The following GNAI2 variants were observed in gnomAD, a reference collection of about 807,000 sequenced individuals.
GNAI2 encodes the protein guanine nucleotide-binding protein G(i) subunit alpha-2.
In GNAI2, 4 loss-of-function variants were observed where a neutral mutation model predicts 36.8. The ratio of observed to expected loss-of-function variants is 0.11; its 90% CI spans 0.05 to 0.25. The LOEUF is 0.25. GNAI2 is among the 10% of genes least tolerant of loss of function. The pLI is 1.00. For synonymous variants in GNAI2, 194 were observed against 194.1 expected (o/e 1.00, Z 0.01); for missense variants, 230 against 481.3 (o/e 0.48, Z 4.89).
chr3:50,243,915 T>G (rs1700354822), intron 1 of GNAI2, among the ~76,000 whole-genome samples: 1 of 152,058 alleles, frequency 6.6e-6, no homozygotes, highest in African/African-American at 2.4e-5. Flanking sequence ...CGGGCCTCAA[T>G]TCTTCTTTTA....
At chr3:50,250,928 G>A (rs1360674044) in intron 1 of GNAI2, among the ~76,000 whole-genome samples, 1 of 151,836 alleles carries the variant, frequency 6.6e-6, no homozygotes, top group Non-Finnish European at 1.5e-5. Flanking sequence ...TTCTGCCTCA[G>A]CCTCCCGAGC....
At chr3:50,246,897 A>G in intron 1 of GNAI2, 1 of 1,438,602 alleles carries the variant, frequency 7.0e-7, no homozygotes, top group Non-Finnish European at 9.1e-7. Context: ...AGGAGCCAGT[A>G]GCTCTGACTC....
chr3:50,240,300 C>T (rs587634802), intron 1 of GNAI2, among the ~76,000 whole-genome samples: 9 of 152,224 alleles, frequency 5.9e-5, no homozygotes, highest in African/African-American at 2.2e-4. Context: ...AGGATGAATA[C>T]CATTTGCCAG....
At chr3:50,256,607 G>C (rs1431120921) in intron 5 of GNAI2, 116 bp from the exon 6 acceptor site, 2 of 1,143,750 alleles carry the variant, frequency 1.7e-6, no homozygotes, top group African/African-American at 3.1e-5. Flanking sequence ...GATGATTCCA[G>C]AAGGTAGCTG....
intron 1 of GNAI2, among the ~76,000 whole-genome samples, chr3:50,245,469 G>A (rs963299679): frequency 6.6e-6 from 1 of 152,186 alleles, no homozygotes; most frequent in African/African-American, 2.4e-5. Context: ...CTAGGCTCCC[G>A]TTATCTTTCC....
upstream of GNAI2, among the ~76,000 whole-genome samples, chr3:50,233,537 T>C (rs587772694): frequency 3.3e-5 from 5 of 152,312 alleles, no homozygotes; most frequent in East Asian, 7.7e-4. Flanking sequence ...GTGGACAGAT[T>C]GTATTCTTGG....
chr3:50,228,144 T>C (rs1700011283), upstream of GNAI2, among the ~76,000 whole-genome samples: 1 of 152,242 alleles, frequency 6.6e-6, no homozygotes. Flanking sequence ...CAGCCCTGTC[T>C]CCACAGGCTT....
At chr3:50,250,898 C>T (rs1700541628) in intron 1 of GNAI2, among the ~76,000 whole-genome samples, 1 of 152,050 alleles carries the variant, frequency 6.6e-6, no homozygotes, top group African/African-American at 2.4e-5. Flanking sequence ...CAACCTCCAC[C>T]TCCCAGGTTC....
rs1000061614 is a variant in GNAI2, at chr3:50,241,529, G to T, written c.118+5076G>T. Among the ~76,000 whole-genome samples the T allele has an allele frequency of 3.9e-5, 6 of 152,218 alleles. No homozygotes were observed. The East Asian group carries it at 7.7e-4, about 20-fold the overall frequency. ...TACCTCTAGGGTAGGAGTGAGACTA[G>T]GTCCTTTAAGGGATACCTCTGAGCT... On this transcript the variant is annotated intron_variant, in intron 1 of 8. Coordinates refer to ENST00000313601, the MANE Select transcript of GNAI2 (RefSeq NM_002070.4). The surrounding 1 kb of genome is among the most constrained non-coding windows in gnomAD (Gnocchi z 5.0).
Position 50,255,182 on chromosome 3 carries a change from C to T in GNAI2, c.465-1010C>T, listed in dbSNP as rs1700659815. On this transcript the variant is annotated intron_variant, in intron 4 of 8. Coordinates refer to ENST00000313601, the MANE Select transcript of GNAI2 (RefSeq NM_002070.4). The surrounding 1 kb of genome is among the most constrained non-coding windows in gnomAD (Gnocchi z 4.0). ...GCTGGTGGGAGCCAAGGGCCAGCCCCAGCAGCCTTGCCCCAGGAATGAAAA... is the reference window on the plus strand; with the variant it reads ...GCTGGTGGGAGCCAAGGGCCAGCCCTAGCAGCCTTGCCCCAGGAATGAAAA... Among the ~76,000 whole-genome samples, 1 of 152,204 alleles carries T rather than the reference C, an allele frequency of 6.6e-6. No individual in the cohort carries two copies. Among genetic ancestry groups the T allele is most frequent in the Non-Finnish European group, 1.5e-5 (1 of 68,030 alleles).
chr3:50,256,214 A>G lies in GNAI2; in HGVS notation c.487A>G (p.Ile163Val), dbSNP rs782616803. The G allele has an allele frequency of 6.6e-7, 1 of 1,509,564 alleles. No homozygotes were observed. Among genetic ancestry groups the G allele is most frequent in the South Asian group, 1.1e-5 (1 of 89,422 alleles). The allele number at this position is 1,509,564 out of a possible 1,614,324, so 93.5% of individuals were successfully genotyped here. A position where few individuals can be genotyped will look rare whatever the true frequency, so the allele number is the denominator to read the frequency against. ...CAGCTACCTGAACGACCTGGAGCGTATTGCACAGAGTGACTACATCCCCAC... is the reference window on the plus strand; with the variant it reads ...CAGCTACCTGAACGACCTGGAGCGTGTTGCACAGAGTGACTACATCCCCAC... ...AAYYLNDLERIAQSDYIPTQQ... is the reference protein window; with the variant it reads ...AAYYLNDLERVAQSDYIPTQQ... The change falls in exon 5 of 9, where the codon ATT becomes GTT. Residue 163 changes from isoleucine to valine, a missense_variant. Physicochemically the swap from Ile to Val is conservative, Grantham distance 29 (BLOSUM62 3). Around this residue, in one of 4 missense-constraint regions of GNAI2, gnomAD observed 132 missense variants for 247.4 expected, o/e 0.53. Coordinates refer to ENST00000313601, the MANE Select transcript of GNAI2 (RefSeq NM_002070.4).
chr3:50,247,187 A>G (rs1320048389), intron 1 of GNAI2: 3 of 666,890 alleles, frequency 4.5e-6, no homozygotes, highest in African/African-American at 1.8e-5. Flanking sequence ...ATCCTTACCC[A>G]TCTCTCAGAA....
rs587652983 is a variant in GNAI2, at chr3:50,258,445, G to A, written c.*102G>A. 3.5e-4 allele frequency: 54 copies of A among 155,236 alleles called. No individual in the cohort carries two copies. In the Middle Eastern group the frequency reaches 9.9e-3, roughly 28 times the overall value. 9.6% of individuals were successfully genotyped at this position (155,236 alleles called of 1,614,324 possible). A position where few individuals can be genotyped will look rare whatever the true frequency, so the allele number is the denominator to read the frequency against. The stretch of plus-strand genomic sequence containing the variant: ...GATCACGCTCCCCGCCTGTTCCCCC[G>A]CCGCTTTTCTCCTCTTTCCTCTCTT... On this transcript the variant is annotated 3_prime_UTR_variant, in exon 9 of 9. Coordinates refer to ENST00000313601, the MANE Select transcript of GNAI2 (RefSeq NM_002070.4).
intron 1 of GNAI2, among the ~76,000 whole-genome samples, chr3:50,245,725 AGTTTCCCTCT>A (rs1700403988): frequency 4.6e-5 from 7 of 152,308 alleles, no homozygotes; most frequent in South Asian, 2.1e-4. Context: ...CCGGTGCCTG[AGTTTCCCTCT>A]GTGCAGTGGA....
upstream of GNAI2, chr3:50,236,149 C>G (rs1282777931): frequency 4.7e-5 from 54 of 1,153,540 alleles, no homozygotes; most frequent in Non-Finnish European, 5.4e-5. The surrounding 1 kb of genome is among the most constrained non-coding windows in gnomAD (Gnocchi z 4.0). Flanking sequence ...CGCCCAGGCC[C>G]CACCCCCGGC....
At chr3:50,256,637 C>G in intron 5 of GNAI2, 86 bp from the exon 6 acceptor site, 1 of 1,456,932 alleles carries the variant, frequency 6.9e-7, no homozygotes, top group Non-Finnish European at 9.6e-7. Flanking sequence ...GGGCAGGCCT[C>G]TGTCCTCAGT....
intron 7 of GNAI2, 141 bp from the exon 8 acceptor site, chr3:50,257,359 A>T: frequency 1.5e-6 from 1 of 647,568 alleles, no homozygotes; most frequent in Non-Finnish European, 2.7e-6. Context: ...ATGTATGGGC[A>T]GCCACAAACA....
chr3:50,247,457 G>A (rs916109865), intron 1 of GNAI2, among the ~76,000 whole-genome samples: 3 of 152,262 alleles, frequency 2.0e-5, no homozygotes, highest in Non-Finnish European at 4.4e-5. Context: ...CTATTAAGGA[G>A]TTAGAGGGTC....
At chr3:50,249,982 A>C (rs1198703406) in intron 1 of GNAI2, among the ~76,000 whole-genome samples, 2 of 152,310 alleles carry the variant, frequency 1.3e-5, no homozygotes, top group South Asian at 4.1e-4. Flanking sequence ...ACCCAGTGCC[A>C]GGTGGACTGT....
Sources: gnomAD v4.1 joint callset for allele counts (sites outside exome capture counted in the v4.1 genomes callset) on GRCh38, gnomAD v4.1.1 for gene constraint, gnomAD v4.1.1 regional missense constraint, Gnocchi (gnomAD v3.1) non-coding constraint, MANE v1.5 for transcripts, NCBI Gene and HGNC (gene_info 2026-07-23, HGNC 2026-07-21) for gene names.